Variants in UBR4 observed in about 807,000 individuals in gnomAD.
UBR4 encodes E3 ubiquitin-protein ligase UBR4.
In UBR4, 124 loss-of-function variants were observed where a neutral mutation model predicts 575.6. The observed-to-expected ratio is 0.22, with a 90% CI of 0.19 to 0.25. The LOEUF is 0.25. UBR4 is among the 10% of genes least tolerant of loss of function. The pLI, the probability that UBR4 is intolerant of heterozygous loss-of-function variation, is 1.00. For synonymous variants in UBR4, 2,455 were observed against 2,473.7 expected, an observed-to-expected ratio of 0.99 and a Z score of 0.22; for missense variants, 4,818 against 6,478.8, an observed-to-expected ratio of 0.74 and a Z score of 8.80.
intron 90 of UBR4, 30 bp downstream of exon 90, chr1:19,099,567 A>C: frequency 6.2e-7 from 1 of 1,601,668 alleles, no homozygotes; most frequent in Non-Finnish European, 8.5e-7. Flanking sequence ...AAGTGAAACC[A>C]CACCTCCAAA....
rs538620233 is a variant in UBR4, at chr1:19,075,275, G to C, written c.15488-379C>G. The C allele has an allele frequency of 1.5e-4, 45 of 298,344 alleles. 1 individual carries two copies. In the Admixed American group the frequency reaches 2.0e-3, roughly 13 times the overall value. 18.5% of individuals were successfully genotyped at this position (298,344 alleles called of 1,614,324 possible). On this transcript the variant is annotated intron_variant, in intron 105 of 105. Transcript: ENST00000375254. ...TCTGGCTCTCCCTGGCTGCAGGCCA[G>C]GGGTGCTTGCCAGCAGCTCAGGGCT...
Position 19,159,924 on chromosome 1 carries a change from C to T in UBR4, c.5577+187G>A, listed in dbSNP as rs34579173. 5.2e-3 allele frequency among the ~76,000 whole-genome samples: 777 copies of T among 149,686 alleles called. 8 individuals carry two copies. The highest frequency in any genetic ancestry group is 8.2e-3 in the Non-Finnish European group (555 of 67,984). On this transcript the variant is annotated intron_variant, in intron 39 of 105. Coordinates refer to ENST00000375254, the MANE Select transcript of UBR4 (RefSeq NM_020765.3). Reference sequence around the variant, plus strand: ...ATTCTCTTCTTTTGAAGCCAAACCTCGTATGCTGATTTTCACACTGTTCAT... The same window carrying T: ...ATTCTCTTCTTTTGAAGCCAAACCTTGTATGCTGATTTTCACACTGTTCAT...
chr1:19,179,721 T>C (rs189616858), intron 17 of UBR4, among the ~76,000 whole-genome samples: 1 of 152,356 alleles, frequency 6.6e-6, no homozygotes, highest in African/African-American at 2.4e-5. Flanking sequence ...TCAACAAGGC[T>C]GTTCTTCACC....
At chr1:19,180,633 G>A (rs2090845637) in intron 17 of UBR4, among the ~76,000 whole-genome samples, 2 of 151,030 alleles carry the variant, frequency 1.3e-5, no homozygotes, top group Admixed American at 1.3e-4. Context: ...AAATCTAAAT[G>A]TTCAAATCAA....
chr1:19,077,328 G>A (rs1456587414), intron 104 of UBR4, among the ~76,000 whole-genome samples: 2 of 152,254 alleles, frequency 1.3e-5, no homozygotes, highest in Admixed American at 6.5e-5. Flanking sequence ...CAGGGCAACA[G>A]AGCTTATCCC....
In UBR4 at chr1:19,121,372, G is replaced by T. The variant is rs1432658841; in HGVS notation, c.9958C>A (p.Leu3320Met). The change falls in exon 68 of 106, where the codon CTG becomes ATG. Residue 3320 changes from leucine to methionine, a missense_variant. Leu to Met is a conservative substitution (Grantham distance 15). Coordinates refer to ENST00000375254, the MANE Select transcript of UBR4 (RefSeq NM_020765.3). ...CACAGAGCACAGGAGAGCAGTTGCA[G>T]CAGCACTGGGGACACGCCCTCATCC... Reference protein sequence around the residue: ...LVDEGVSPVLLQLLSCALCGS... With the variant: ...LVDEGVSPVLMQLLSCALCGS... 1.2e-6 allele frequency: 2 copies of T among 1,614,130 alleles called. No homozygotes were observed. The highest frequency in any genetic ancestry group is 1.1e-5 in the South Asian group (1 of 91,074).
chr1:19,092,170 G>T (rs1034809973), intron 97 of UBR4, among the ~76,000 whole-genome samples: 5 of 152,112 alleles, frequency 3.3e-5, no homozygotes, highest in Admixed American at 6.6e-5. Flanking sequence ...AACCTGCCCT[G>T]CGTCCTGATG....
At chr1:19,154,878 T>G (rs2086235468) in intron 44 of UBR4, 40 bp downstream of exon 44, 1 of 1,612,596 alleles carries the variant, frequency 6.2e-7, no homozygotes, top group Non-Finnish European at 8.5e-7. Context: ...ACATTGAATG[T>G]GGACATTGCG....
intron 69 of UBR4, 98 bp downstream of exon 69, chr1:19,120,082 G>T: frequency 7.2e-7 from 1 of 1,388,100 alleles, no homozygotes; most frequent in South Asian, 1.3e-5. Context: ...CGTAACTACT[G>T]ACTCTGTGAC....
At chr1:19,144,221 A>T (rs1166900633) in intron 54 of UBR4, 130 bp from the exon 55 acceptor site, 2 of 738,466 alleles carry the variant, frequency 2.7e-6, no homozygotes, top group East Asian at 5.7e-5. Context: ...CCTGCAACCC[A>T]GCGGACCAAG....
chr1:19,158,646 A>ATTTT (rs1322270653), intron 39 of UBR4, among the ~76,000 whole-genome samples: 1 of 151,904 alleles, frequency 6.6e-6, no homozygotes, highest in Non-Finnish European at 1.5e-5. Flanking sequence ...TATTTTTTAT[A>ATTTT]GAGACAGGGT....
At chr1:19,169,166 C>T (rs185366991) in intron 27 of UBR4, among the ~76,000 whole-genome samples, 27 of 152,254 alleles carry the variant, frequency 1.8e-4, no homozygotes, top group Middle Eastern at 3.4e-3. Flanking sequence ...ATTGAATCGT[C>T]ACAGCCCAAT....
intron 14 of UBR4, among the ~76,000 whole-genome samples, chr1:19,185,633 G>C (rs2091456556): frequency 6.7e-6 from 1 of 149,350 alleles, no homozygotes; most frequent in African/African-American, 2.5e-5. Context: ...GAGTGCAGTG[G>C]TGCAATATTG....
chr1:19,179,627 C>T (rs1019200681), intron 17 of UBR4, among the ~76,000 whole-genome samples: 2 of 152,174 alleles, frequency 1.3e-5, no homozygotes, highest in Admixed American at 6.5e-5. Flanking sequence ...ACAAATAACA[C>T]CCAAAAGGGG....
intron 1 of UBR4, among the ~76,000 whole-genome samples, chr1:19,209,298 T>G (rs1258601361): frequency 6.6e-6 from 1 of 152,218 alleles, no homozygotes; most frequent in Non-Finnish European, 1.5e-5. Flanking sequence ...AAGACTGCTC[T>G]GAGCACAGTA....
chr1:19,102,864 G>C (rs983903319), intron 87 of UBR4, among the ~76,000 whole-genome samples: 3 of 152,162 alleles, frequency 2.0e-5, no homozygotes, highest in Non-Finnish European at 2.9e-5. Context: ...AATAACTGAG[G>C]AAATTGACTT....
At chr1:19,106,811 C>T (rs779907844) in intron 82 of UBR4, 26 bp downstream of exon 82, 1 of 1,608,480 alleles carries the variant, frequency 6.2e-7, no homozygotes, top group East Asian at 2.2e-5. Flanking sequence ...GCAGGACTTC[C>T]CGGCGTCTTG....
intron 97 of UBR4, among the ~76,000 whole-genome samples, chr1:19,092,132 G>T (rs768093395): frequency 6.6e-5 from 10 of 152,212 alleles, no homozygotes; most frequent in Non-Finnish European, 1.5e-4. Flanking sequence ...GCTACAAAAG[G>T]CCAACAAGAG....
chr1:19,124,613 T>C lies in UBR4; in HGVS notation c.9516A>G (p.Lys3172=). ...TTCGAGAATTGGTGTCAGTAATCTT[T>C]TTGATTTGGTAAGGAAGCCTCAGTA... The part of the protein sequence containing the change: ...EMVLRLPYQI[K]KITDTNSRIP... Residue 3172 remains lysine (K), a synonymous_variant, in exon 65 of 106, where the codon AAA becomes AAG. Coordinates refer to ENST00000375254, the MANE Select transcript of UBR4 (RefSeq NM_020765.3). The C allele has an allele frequency of 6.2e-7, 1 of 1,614,222 alleles. No homozygotes were observed. Among genetic ancestry groups the C allele is most frequent in the Non-Finnish European group, 8.5e-7 (1 of 1,180,024 alleles).
Sources: gnomAD v4.1 joint callset for allele counts (sites outside exome capture counted in the v4.1 genomes callset) on GRCh38, gnomAD v4.1.1 for gene constraint, MANE v1.5 for transcripts, NCBI Gene and HGNC (gene_info 2026-07-23, HGNC 2026-07-21) for gene names.